Variants in OXR1 observed in about 807,000 individuals in gnomAD.
OXR1 encodes oxidation resistance protein 1.
Under a neutral mutation model 104.6 loss-of-function variants are expected in OXR1, and 41 were observed. That is an observed-to-expected ratio of 0.39 (90% CI 0.31 to 0.51). OXR1 has a LOEUF of 0.51. OXR1 is among the 20% of genes least tolerant of loss of function. The probability of loss-of-function intolerance (pLI) is 0.77; values close to 1 mark genes in which losing one functional copy is unlikely to be tolerated. For synonymous variants in OXR1, 348 were observed against 348.4 expected, an observed-to-expected ratio of 1.00 and a Z score of 0.01; for missense variants, 955 against 1,031.9, an observed-to-expected ratio of 0.93 and a Z score of 1.02.
intron 7 of OXR1, among the ~76,000 whole-genome samples, chr8:106,693,850 G>T (rs1036988893): frequency 6.6e-6 from 1 of 152,106 alleles, no homozygotes; most frequent in African/African-American, 2.4e-5. Context: ...CTCAAAAAAT[G>T]TCTATAACAT....
intron 1 of OXR1, among the ~76,000 whole-genome samples, chr8:106,292,039 T>C (rs1235350705): frequency 6.6e-6 from 1 of 152,178 alleles, no homozygotes; most frequent in Non-Finnish European, 1.5e-5. Flanking sequence ...CAACACGTGA[T>C]GAAATCTGCC....
chr8:106,495,528 C>T (rs981286556), intron 2 of OXR1, among the ~76,000 whole-genome samples: 1 of 152,074 alleles, frequency 6.6e-6, no homozygotes, highest in African/African-American at 2.4e-5. Context: ...ATTTTGAGTG[C>T]AAAAAGCAGA....
At chr8:106,618,265 A>G (rs1821407641) in intron 3 of OXR1, 2 of 1,124,676 alleles carry the variant, frequency 1.8e-6, no homozygotes, top group Non-Finnish European at 2.6e-6. Flanking sequence ...GGCACACTTT[A>G]TGTTGCATTT....
At chr8:106,694,899 ATTTATCTATTT>A (rs2131310967) in intron 7 of OXR1, among the ~76,000 whole-genome samples, 1 of 79,740 alleles carries the variant, frequency 1.3e-5, no homozygotes, top group East Asian at 3.4e-4. Flanking sequence ...AGATAAATAT[ATTTATCTATTT>A]ACATATTTAT....
intron 3 of OXR1, among the ~76,000 whole-genome samples, chr8:106,628,790 G>A (rs930856717): frequency 3.9e-5 from 6 of 152,068 alleles, no homozygotes; most frequent in African/African-American, 9.7e-5. Flanking sequence ...GGCACTTCAC[G>A]TATGCAGCAC....
At chr8:106,661,529 G>C (rs191732254) in intron 3 of OXR1, among the ~76,000 whole-genome samples, 129 of 152,026 alleles carry the variant, frequency 8.5e-4, no homozygotes, top group African/African-American at 2.9e-3. Flanking sequence ...TCTTGTTTGG[G>C]GGCATAACTA....
At chr8:106,418,591 T>C (rs558134676) in intron 2 of OXR1, among the ~76,000 whole-genome samples, 1 of 152,236 alleles carries the variant, frequency 6.6e-6, no homozygotes, top group Non-Finnish European at 1.5e-5. Flanking sequence ...TAAAATAGTA[T>C]ATATCCTTGC....
At chr8:106,623,815 A>G (rs531710307) in intron 3 of OXR1, among the ~76,000 whole-genome samples, 1 of 152,314 alleles carries the variant, frequency 6.6e-6, no homozygotes, top group South Asian at 2.1e-4. Context: ...TCAGTTATTG[A>G]AAGGCTGTGT....
intron 3 of OXR1, among the ~76,000 whole-genome samples, chr8:106,630,000 C>T (rs1244918133): frequency 6.6e-6 from 1 of 152,138 alleles, no homozygotes; most frequent in Non-Finnish European, 1.5e-5. Context: ...CCTGCCTCTG[C>T]CTTTACATTT....
In OXR1 at chr8:106,752,039, C is replaced by T. The variant is rs1209760468; in HGVS notation, c.*1098C>T. The T allele has an allele frequency of 6.6e-6, 1 of 152,416 alleles. No homozygotes were observed. Among genetic ancestry groups the T allele is most frequent in the Non-Finnish European group, 1.5e-5 (1 of 67,932 alleles). The allele number at this position is 152,416 out of a possible 1,614,324, so 9.4% of individuals were successfully genotyped here. The stretch of plus-strand genomic sequence containing the variant: ...AAAAAAAATGAAAAGATAGAATACA[C>T]TAGTAGTTCTTATCCTCTTTTGTAG... On this transcript the variant is annotated 3_prime_UTR_variant, in exon 17 of 17. Coordinates refer to ENST00000517566, the MANE Select transcript of OXR1 (RefSeq NM_001198533.2).
At chr8:106,577,681 C>T (rs528235852) in intron 3 of OXR1, among the ~76,000 whole-genome samples, 11 of 152,090 alleles carry the variant, frequency 7.2e-5, no homozygotes, top group African/African-American at 1.4e-4. Flanking sequence ...TGAGCTACTG[C>T]GCCCGGCCAA....
chr8:106,339,363 C>T (rs558223595), intron 1 of OXR1, among the ~76,000 whole-genome samples: 24 of 150,360 alleles, frequency 1.6e-4, no homozygotes, highest in Admixed American at 6.0e-4. Flanking sequence ...GGCGTGGTGG[C>T]GAGCACCTGT....
intron 1 of OXR1, among the ~76,000 whole-genome samples, chr8:106,310,044 G>A (rs1813632866): frequency 6.6e-6 from 1 of 151,456 alleles, no homozygotes; most frequent in African/African-American, 2.4e-5. Context: ...ATTTCCTACT[G>A]TGGAAAATGG....
intron 2 of OXR1, among the ~76,000 whole-genome samples, chr8:106,376,534 A>G (rs1000414945): frequency 1.4e-4 from 21 of 150,882 alleles, no homozygotes; most frequent in African/African-American, 5.1e-4. Flanking sequence ...AGACTTCAAA[A>G]TGAGAAAAAT....
In OXR1 at chr8:106,546,096, C is replaced by A. The variant is rs189052556; in HGVS notation, c.220+26957C>A. Among the ~76,000 whole-genome samples, 171 of 152,254 alleles carry A rather than the reference C, an allele frequency of 1.1e-3. 1 individual carries two copies. The highest frequency in any genetic ancestry group is 3.7e-3 in the African/African-American group (153 of 41,544). On this transcript the variant is annotated intron_variant, in intron 3 of 16. Coordinates refer to ENST00000517566, the MANE Select transcript of OXR1 (RefSeq NM_001198533.2). ...TACATTTCAACAAAATAAATGTTGA[C>A]TGTCACGTGTCATTCGGTAGGGTCT...
At chr8:106,729,601 T>G (rs1216309756) in intron 11 of OXR1, among the ~76,000 whole-genome samples, 1 of 152,150 alleles carries the variant, frequency 6.6e-6, no homozygotes, top group African/African-American at 2.4e-5. Flanking sequence ...AAGACATTTA[T>G]TAACCAGTAT....
At chr8:106,666,275 T>C (rs1826319405) in intron 3 of OXR1, among the ~76,000 whole-genome samples, 1 of 152,174 alleles carries the variant, frequency 6.6e-6, no homozygotes, top group Non-Finnish European at 1.5e-5. Flanking sequence ...AATAGAATTT[T>C]TTGAGGTGAT....
intron 2 of OXR1, among the ~76,000 whole-genome samples, chr8:106,460,558 T>C (rs1422501348): frequency 6.6e-6 from 1 of 152,196 alleles, no homozygotes; most frequent in South Asian, 2.1e-4. Context: ...CTTAAAAGTC[T>C]CTAAAAGTGG....
At chr8:106,441,613 C>G (rs1199471655) in intron 2 of OXR1, among the ~76,000 whole-genome samples, 1 of 152,070 alleles carries the variant, frequency 6.6e-6, no homozygotes, top group African/African-American at 2.4e-5. Flanking sequence ...TTGTAGTTCT[C>G]CTTGAAGAGG....
Sources: gnomAD v4.1 joint callset for allele counts (sites outside exome capture counted in the v4.1 genomes callset) on GRCh38, gnomAD v4.1.1 for gene constraint, MANE v1.5 for transcripts, NCBI Gene and HGNC (gene_info 2026-07-23, HGNC 2026-07-21) for gene names.